Variants in IP6K2 observed in about 807,000 individuals in gnomAD.
IP6K2 encodes the protein ATP:1D-myo-inositol-hexakisphosphate phosphotransferase.
A neutral mutation model predicts 43.3 loss-of-function variants in IP6K2; 9 were observed. The observed-to-expected ratio is 0.21, with a 90% CI of 0.13 to 0.36. IP6K2 has a LOEUF of 0.36. IP6K2 is among the 10% of genes least tolerant of loss of function. IP6K2 has a pLI of 1.00. For synonymous variants in IP6K2, 209 were observed against 202.4 expected (o/e 1.03, Z -0.28); for missense variants, 332 against 538.4 (o/e 0.62, Z 3.79).
chr3:48,701,009 T>C (rs2078961993), intron 1 of IP6K2, among the ~76,000 whole-genome samples: 1 of 152,244 alleles, frequency 6.6e-6, no homozygotes, highest in Non-Finnish European at 1.5e-5. Context: ...TCTGGCAGTT[T>C]CTTATAAAGT....
chr3:48,714,312 C>T (rs1320050396), intron 1 of IP6K2, among the ~76,000 whole-genome samples: 1 of 151,652 alleles, frequency 6.6e-6, no homozygotes, highest in African/African-American at 2.4e-5. Flanking sequence ...AGTGATCTGC[C>T]CACCTCGGCC....
At chr3:48,690,797 A>G (rs1189273960) in intron 4 of IP6K2, among the ~76,000 whole-genome samples, 3 of 151,152 alleles carry the variant, frequency 2.0e-5, no homozygotes, top group African/African-American at 4.9e-5. Flanking sequence ...CAAAAAAAAA[A>G]AAAAAAGAAA....
intron 2 of IP6K2, chr3:48,693,989 ACAAACGAC>A: frequency 1.5e-6 from 2 of 1,377,494 alleles, no homozygotes; most frequent in Non-Finnish European, 1.9e-6. Context: ...CGAGCGCCTT[ACAAACGAC>A]TGGCTGAACA....
intron 2 of IP6K2, chr3:48,694,635 A>G: frequency 6.6e-7 from 1 of 1,517,132 alleles, no homozygotes; most frequent in Non-Finnish European, 8.8e-7. Flanking sequence ...GCTTGGGCTA[A>G]TCAGCACAGG....
intron 1 of IP6K2, among the ~76,000 whole-genome samples, chr3:48,703,559 A>AT: frequency 6.6e-6 from 1 of 151,274 alleles, no homozygotes; most frequent in East Asian, 1.9e-4. Context: ...AAAAAAAAAA[A>AT]AAAAAAAATT....
intron 1 of IP6K2, among the ~76,000 whole-genome samples, chr3:48,712,204 G>A (rs1166620689): frequency 6.6e-6 from 1 of 150,820 alleles, no homozygotes; most frequent in Non-Finnish European, 1.5e-5. Flanking sequence ...GACCAGCCTG[G>A]GTAAAAAAAA....
At position 48,695,213 on chromosome 3, in the gene IP6K2, C is replaced by T; in HGVS notation, c.79G>A (p.Gly27Arg). The change falls in exon 2 of 6, where the codon GGG (glycine) becomes AGG (arginine). Residue 27 changes from glycine to arginine, a missense_variant. Coordinates refer to ENST00000328631, the MANE Select transcript of IP6K2 (RefSeq NM_016291.4). The surrounding 1 kb of genome is among the most constrained non-coding windows in gnomAD (Gnocchi z 4.6). ...AAGCGGAGCACGCATGAGTGCCCCC[C>T]GACCTGGTGGACAAAGGGCTCCAGA... ...VLLEPFVHQV[G>R]GHSCVLRFNE... The T allele has an allele frequency of 6.3e-7, 1 of 1,578,812 alleles. No individual in the cohort carries two copies. The highest frequency in any genetic ancestry group is 8.6e-7 in the Non-Finnish European group (1 of 1,156,234).
rs200712199 is a variant in IP6K2 at position 48,688,434 on chromosome 3, C to G, written c.1120G>C (p.Ala374Pro). The change falls in exon 6 of 6, where the codon GCC becomes CCC. Residue 374 changes from alanine (A) to proline (P), a missense_variant. Ala to Pro is a conservative substitution (Grantham distance 27). Transcript: ENST00000328631. This position sits in a 1 kb window ranked among gnomAD's most constrained non-coding sequence, Gnocchi z 5.1. ...AGAYAYKPIGASSVDVRMIDF... is the reference protein window; with the variant it reads ...AGAYAYKPIGPSSVDVRMIDF... ...ATCATGCGCACATCTACAGAGCTGG[C>G]GCCGATGGGTTTGTAGGCATAGGCA... The G allele has an allele frequency of 6.2e-7, 1 of 1,614,068 alleles. No homozygotes were observed. The highest frequency in any genetic ancestry group is 1.3e-5 in the African/African-American group (1 of 74,920).
intron 2 of IP6K2, chr3:48,694,534 TAC>T: frequency 6.6e-7 from 1 of 1,523,208 alleles, no homozygotes; most frequent in Non-Finnish European, 8.8e-7. Context: ...CCCTATAAAA[TAC>T]ATTATAAAAA....
chr3:48,710,157 C>T (rs528874141), intron 1 of IP6K2, among the ~76,000 whole-genome samples: 2 of 152,202 alleles, frequency 1.3e-5, no homozygotes, highest in Admixed American at 6.5e-5. Context: ...GAAGCTGAGG[C>T]GGGAGGATTG....
At chr3:48,693,246 T>C (rs750722083) in intron 2 of IP6K2, 67 bp from the exon 3 acceptor site, 23 of 1,387,186 alleles carry the variant, frequency 1.7e-5, no homozygotes, top group Non-Finnish European at 2.2e-5. Context: ...AGTAACATGA[T>C]TGTAACATTT....
chr3:48,695,225 C>A lies in IP6K2; in HGVS notation c.67G>T (p.Val23Phe). 1 of 1,576,508 alleles carries A rather than the reference C, an allele frequency of 6.3e-7. No homozygotes were observed. Among genetic ancestry groups the A allele is most frequent in the Non-Finnish European group, 8.7e-7 (1 of 1,155,118 alleles). ...CATGAGTGCCCCCCGACCTGGTGGA[C>A]AAAGGGCTCCAGAAGGACGCCTTTG... Reference protein sequence around the residue: ...RAKGVLLEPFVHQVGGHSCVL... With the variant: ...RAKGVLLEPFFHQVGGHSCVL... Residue 23 changes from valine (V) to phenylalanine (F), a missense_variant, in exon 2 of 6, where the codon GTC becomes TTC. Physicochemically the swap from Val to Phe is conservative, Grantham distance 50. Transcript: ENST00000328631. This position sits in a 1 kb window ranked among gnomAD's most constrained non-coding sequence, Gnocchi z 4.6.
chr3:48,695,189 A>G lies in IP6K2; in HGVS notation c.103T>C (p.Phe35Leu). ...QVGGHSCVLRFNETTLCKPLV... is the reference protein window; with the variant it reads ...QVGGHSCVLRLNETTLCKPLV... ...GGCTTGCACAGGGTTGTCTCATTGA[A>G]GCGGAGCACGCATGAGTGCCCCCCG... is the stretch of plus-strand genomic sequence containing the variant. Residue 35 changes from phenylalanine (F) to leucine (L), a missense_variant, in exon 2 of 6, where the codon TTC (phenylalanine) becomes CTC (leucine). By Grantham distance (22) the Phe-to-Leu change is conservative. Transcript: ENST00000328631. This position sits in a 1 kb window ranked among gnomAD's most constrained non-coding sequence, Gnocchi z 4.6. The G allele has an allele frequency of 1.3e-6, 2 of 1,593,444 alleles. No individual in the cohort carries two copies. Among genetic ancestry groups the G allele is most frequent in the Non-Finnish European group, 1.7e-6 (2 of 1,165,426 alleles).
At chr3:48,691,678 T>A (rs2077796024) in intron 3 of IP6K2, among the ~76,000 whole-genome samples, 196 bp from the exon 4 acceptor site, 1 of 151,890 alleles carries the variant, frequency 6.6e-6, no homozygotes, top group Non-Finnish European at 1.5e-5. Flanking sequence ...TAGCCAGGCG[T>A]GGTGGTGTGC....
rs950271307 is a variant in IP6K2 at position 48,688,828 on chromosome 3, C to G, written c.781-55G>C. Reference sequence around the variant, plus strand: ...CTGAGGGCCATCTCAAACCCTGGACCCCGGGCGGGGGTGGGGTGGTGTGGT... The same window carrying G: ...CTGAGGGCCATCTCAAACCCTGGACGCCGGGCGGGGGTGGGGTGGTGTGGT... On this transcript the variant is annotated intron_variant, in intron 5 of 5. Coordinates refer to ENST00000328631, the MANE Select transcript of IP6K2 (RefSeq NM_016291.4). The surrounding 1 kb of genome is among the most constrained non-coding windows in gnomAD (Gnocchi z 5.1). 6.5e-7 allele frequency: 1 copy of G among 1,544,944 alleles called. No homozygotes were observed. The highest frequency in any genetic ancestry group is 8.7e-7 in the Non-Finnish European group (1 of 1,147,058).
At chr3:48,713,819 A>G (rs1166248883) in intron 1 of IP6K2, among the ~76,000 whole-genome samples, 1 of 151,324 alleles carries the variant, frequency 6.6e-6, no homozygotes, top group Non-Finnish European at 1.5e-5. Flanking sequence ...AATACAAAAA[A>G]GAAAGAAAAA....
At chr3:48,694,260 A>G in intron 2 of IP6K2, 1 of 1,551,438 alleles carries the variant, frequency 6.4e-7, no homozygotes. Context: ...AACAACAGAG[A>G]AGGACCAAGT....
At chr3:48,691,245 G>A (rs2077756142) in intron 4 of IP6K2, 62 bp downstream of exon 4, 1 of 1,376,408 alleles carries the variant, frequency 7.3e-7, no homozygotes, top group African/African-American at 1.4e-5. Flanking sequence ...AAGCTCCAAG[G>A]GACTTCCTCA....
chr3:48,713,379 A>G (rs1016470611), intron 1 of IP6K2, among the ~76,000 whole-genome samples: 4 of 152,188 alleles, frequency 2.6e-5, no homozygotes, highest in Non-Finnish European at 5.9e-5. Flanking sequence ...GTAGAGTAAT[A>G]TGGCCTGGGG....
Sources: allele counts gnomAD v4.1 joint callset (sites outside exome capture counted in the v4.1 genomes callset), GRCh38; gene constraint gnomAD v4.1.1; non-coding constraint Gnocchi (gnomAD v3.1); transcripts MANE v1.5; gene names NCBI Gene and HGNC (gene_info 2026-07-23, HGNC 2026-07-21).